PLXNA4: variants seen among roughly 807,000 people sequenced by gnomAD.
PLXNA4 encodes the protein plexin A4.
Under a neutral mutation model 191.8 loss-of-function variants are expected in PLXNA4, and 44 were observed. That is an observed-to-expected ratio of 0.23 (90% CI 0.18 to 0.29). The LOEUF (loss-of-function observed/expected upper bound fraction) is 0.29, where lower values mean the gene tolerates loss of function less well. PLXNA4 is among the 10% of genes least tolerant of loss of function. The probability of loss-of-function intolerance (pLI) is 1.00; values close to 1 mark genes in which losing one functional copy is unlikely to be tolerated. For missense variants in PLXNA4, 1,800 were observed against 2,488.8 expected, an observed-to-expected ratio of 0.72 and a Z score of 5.89; for synonymous variants, 1,082 against 1,009.5, an observed-to-expected ratio of 1.07 and a Z score of -1.36.
chr7:132,179,434 T>G (rs1796626622), intron 20 of PLXNA4, among the ~76,000 whole-genome samples: 1 of 139,712 alleles, frequency 7.2e-6, no homozygotes, highest in African/African-American at 3.0e-5. Context: ...ATATACAGCC[T>G]CCAGCACTGC....
At chr7:132,283,053 T>A (rs1800547438) in intron 4 of PLXNA4, among the ~76,000 whole-genome samples, 2 of 152,012 alleles carry the variant, frequency 1.3e-5, no homozygotes, top group Non-Finnish European at 2.9e-5. Context: ...CTAATTTTTG[T>A]AGAGACAGGA....
At chr7:132,506,995 C>A (rs1467326454) in intron 2 of PLXNA4, among the ~76,000 whole-genome samples, 1 of 152,212 alleles carries the variant, frequency 6.6e-6, no homozygotes, top group East Asian at 1.9e-4. Context: ...ATACAAAGGG[C>A]TAAAAACACA....
At chr7:132,281,684 A>G (rs1427435672) in intron 4 of PLXNA4, among the ~76,000 whole-genome samples, 1 of 152,166 alleles carries the variant, frequency 6.6e-6, no homozygotes, top group Non-Finnish European at 1.5e-5. Flanking sequence ...TTACTTTTAT[A>G]TTGGAGGGAA....
At chr7:132,566,959 C>T (rs1585361657) in intron 1 of PLXNA4, among the ~76,000 whole-genome samples, 1 of 152,290 alleles carries the variant, frequency 6.6e-6, no homozygotes, top group Non-Finnish European at 1.5e-5. Context: ...GGTTTTTTCA[C>T]CTCTGAAGTA....
At chr7:132,470,958 A>G (rs2117415974) in intron 3 of PLXNA4, among the ~76,000 whole-genome samples, 1 of 152,278 alleles carries the variant, frequency 6.6e-6, no homozygotes, top group African/African-American at 2.4e-5. Flanking sequence ...CTTGGATATG[A>G]GTCCCCGCCC....
At chr7:132,550,143 C>T (rs1037012698) in intron 1 of PLXNA4, among the ~76,000 whole-genome samples, 4 of 152,074 alleles carry the variant, frequency 2.6e-5, no homozygotes, top group South Asian at 2.1e-4. Context: ...AGGAAGTGAA[C>T]GTTCCCTAGG....
At chr7:132,179,059 G>A (rs1449702127) in intron 20 of PLXNA4, among the ~76,000 whole-genome samples, 1 of 41,330 alleles carries the variant, frequency 2.4e-5, no homozygotes, top group African/African-American at 1.1e-4. Context: ...CACACACACG[G>A]CCTCCAGCAC....
At position 132,126,916 on chromosome 7, in the gene PLXNA4, G is replaced by A. The variant is rs1794783593; in HGVS notation, c.*3563C>T. On this transcript the variant is annotated 3_prime_UTR_variant, in exon 32 of 32. Transcript: ENST00000321063. ...AAATATTTTCCTGAGGAAGTAACTG[G>A]CATGATGGCCACCTTCACTTAGTGG... The A allele has an allele frequency of 6.6e-6, 1 of 152,178 alleles. No individual in the cohort carries two copies. Among genetic ancestry groups the A allele is most frequent in the African/African-American group, 2.4e-5 (1 of 41,416 alleles). The allele number at this position is 152,178 out of a possible 1,614,324, so 9.4% of individuals were successfully genotyped here. A position where few individuals can be genotyped will look rare whatever the true frequency, so the allele number is the denominator to read the frequency against.
At chr7:132,136,495 G>T (rs972977052) in intron 30 of PLXNA4, among the ~76,000 whole-genome samples, 1 of 152,162 alleles carries the variant, frequency 6.6e-6, no homozygotes, top group African/African-American at 2.4e-5. Flanking sequence ...TCTTTTTGCT[G>T]AGTTGCTCAC....
At chr7:132,466,992 G>C (rs11767792) in intron 3 of PLXNA4, among the ~76,000 whole-genome samples, 1 of 152,098 alleles carries the variant, frequency 6.6e-6, no homozygotes, top group Non-Finnish European at 1.5e-5. Flanking sequence ...CTATGCCTTA[G>C]CTGCCCTCCA....
At chr7:132,243,199 T>A (rs981198550) in intron 4 of PLXNA4, among the ~76,000 whole-genome samples, 23 of 152,096 alleles carry the variant, frequency 1.5e-4, no homozygotes, top group African/African-American at 5.1e-4. Flanking sequence ...GAAAAAATAA[T>A]AAAAGGGGCC....
chr7:132,335,549 CG>C (rs1802784758), intron 3 of PLXNA4, among the ~76,000 whole-genome samples: 1 of 152,192 alleles, frequency 6.6e-6, no homozygotes, highest in African/African-American at 2.4e-5. Flanking sequence ...CCCCCACCCC[CG>C]GCACCGGCCT....
At chr7:132,390,699 C>T (rs552215167) in intron 3 of PLXNA4, among the ~76,000 whole-genome samples, 3 of 152,198 alleles carry the variant, frequency 2.0e-5, no homozygotes, top group Non-Finnish European at 2.9e-5. Flanking sequence ...CCCCATGAGT[C>T]CCAGCCCCCT....
At chr7:132,392,907 C>T (rs1428545066) in intron 3 of PLXNA4, among the ~76,000 whole-genome samples, 2 of 152,110 alleles carry the variant, frequency 1.3e-5, no homozygotes, top group Non-Finnish European at 2.9e-5. Context: ...CTAGGAGATG[C>T]CGCCTCCCTG....
intron 2 of PLXNA4, 98 bp from the exon 3 acceptor site, chr7:132,489,572 A>G (rs1421437519): frequency 9.4e-7 from 1 of 1,061,660 alleles, no homozygotes; most frequent in African/African-American, 1.6e-5. Flanking sequence ...ATCCTTAGAG[A>G]TGAAACATCT....
rs1794824262 is a variant in PLXNA4, at chr7:132,128,008, A to AAAAT, written c.*2470_*2471insATTT. 6.9e-6 allele frequency: 1 copy of AAAAT among 144,952 alleles called. No homozygotes were observed. The highest frequency in any genetic ancestry group is 1.5e-5 in the Non-Finnish European group (1 of 67,040). The allele number at this position is 144,952 out of a possible 1,614,324, so 9.0% of individuals were successfully genotyped here. On this transcript the variant is annotated 3_prime_UTR_variant, in exon 32 of 32. Coordinates refer to ENST00000321063, the MANE Select transcript of PLXNA4 (RefSeq NM_020911.2). Reference sequence around the variant, plus strand: ...TAACTGTGCAAAAAAAAAAAAAAAAAATCAAAATGCACTCACTCATACACA... The same window carrying AAAAT: ...TAACTGTGCAAAAAAAAAAAAAAAAAAAATATCAAAATGCACTCACTCATACACA...
rs1562905093 is a variant in PLXNA4 at position 132,183,224 on chromosome 7, G to GCGCACACACACGCA, written c.3159-1035_3159-1034insTGCGTGTGTGTGCG. Among the ~76,000 whole-genome samples the GCGCACACACACGCA allele has an allele frequency of 2.0e-5, 3 of 152,194 alleles. No individual in the cohort carries two copies. The South Asian group carries it at 6.2e-4, about 32-fold the overall frequency. On this transcript the variant is annotated intron_variant, in intron 16 of 31. Coordinates refer to ENST00000321063, the MANE Select transcript of PLXNA4 (RefSeq NM_020911.2). ...CACATGCGCGCACACACGCATGTGC[G>GCGCACACACACGCA]TGCACACACAGTGTAAGATTCCTGT... is the stretch of plus-strand genomic sequence containing the variant.
intron 3 of PLXNA4, among the ~76,000 whole-genome samples, chr7:132,377,081 T>C (rs1804687348): frequency 6.6e-6 from 1 of 152,182 alleles, no homozygotes; most frequent in East Asian, 1.9e-4. Flanking sequence ...ATTCCCCAGA[T>C]GTTTTCTATG....
rs191496895 is a variant in PLXNA4 at position 132,265,207 on chromosome 7, A to G, written c.1504-24041T>C. On this transcript the variant is annotated intron_variant, in intron 4 of 31. Transcript: ENST00000321063. Reference sequence around the variant, plus strand: ...GAGAAACTCTGGGTGTTGAGTTTGAATTGTGCTTTGGGGTCAGCTGGGTCC... The same window carrying G: ...GAGAAACTCTGGGTGTTGAGTTTGAGTTGTGCTTTGGGGTCAGCTGGGTCC... Among the ~76,000 whole-genome samples, 11 of 152,284 alleles carry G rather than the reference A, an allele frequency of 7.2e-5. No individual in the cohort carries two copies. The East Asian group carries it at 2.1e-3, about 29-fold the overall frequency.
Sources: gnomAD v4.1 joint callset for allele counts (sites outside exome capture counted in the v4.1 genomes callset) on GRCh38, gnomAD v4.1.1 for gene constraint, MANE v1.5 for transcripts, NCBI Gene and HGNC (gene_info 2026-07-23, HGNC 2026-07-21) for gene names.